Variants in HTN3 observed in about 807,000 individuals in gnomAD.
HTN3 encodes histatin-3.
HTN3 carries 15 observed loss-of-function variants against 10.6 expected under a neutral mutation model. The ratio of observed to expected loss-of-function variants is 1.42; its 90% CI spans 0.95 to 2.18. HTN3 has a LOEUF of 2.18. HTN3 is among the 30% of genes most tolerant of loss of function. HTN3 has a pLI of 0.00. For missense variants in HTN3, 68 were observed against 58.0 expected (o/e 1.17, Z -0.56); for synonymous variants, 15 against 16.9 (o/e 0.89, Z 0.27).
At chr4:70,030,901 A>G in intron 2 of HTN3, 110 bp downstream of exon 2, 1 of 820,096 alleles carries the variant, frequency 1.2e-6, no homozygotes, top group Non-Finnish European at 2.0e-6. Flanking sequence ...TACAGCTTTA[A>G]TATTTCTATG....
At chr4:70,030,593 C>A in intron 1 of HTN3, 135 bp from the exon 2 acceptor site, 1 of 659,960 alleles carries the variant, frequency 1.5e-6, no homozygotes, top group Non-Finnish European at 2.7e-6. Context: ...GTGATCTGTG[C>A]TCATGCCCCT....
At chr4:70,035,347 A>T (rs1474725388) in intron 5 of HTN3, among the ~76,000 whole-genome samples, 2 of 152,184 alleles carry the variant, frequency 1.3e-5, no homozygotes, top group Admixed American at 6.5e-5. Context: ...AATACATGTT[A>T]TAATAATACT....
intron 2 of HTN3, among the ~76,000 whole-genome samples, chr4:70,031,612 AT>A (rs907397008): frequency 1.3e-5 from 2 of 152,158 alleles, no homozygotes; most frequent in Admixed American, 1.3e-4. Flanking sequence ...CTATCAGCAA[AT>A]AAAATATTTG....
intron 5 of HTN3, 114 bp downstream of exon 5, chr4:70,033,367 G>A (rs1725434776): frequency 1.7e-6 from 1 of 579,218 alleles, no homozygotes; most frequent in East Asian, 3.0e-5. Context: ...AAGAAATGTA[G>A]CGTGGGTTAG....
intron 1 of HTN3, among the ~76,000 whole-genome samples, chr4:70,029,865 C>A (rs944295851): frequency 1.3e-5 from 2 of 152,106 alleles, no homozygotes; most frequent in African/African-American, 4.8e-5. Context: ...GACTTCTCTT[C>A]ATTTTATTTT....
intron 1 of HTN3, among the ~76,000 whole-genome samples, chr4:70,030,119 A>G (rs1048051143): frequency 6.6e-6 from 1 of 150,788 alleles, no homozygotes. Flanking sequence ...TCCTCCCTAC[A>G]TGCTAAACTG....
At chr4:70,030,698 A>G (rs749629260) in intron 1 of HTN3, 30 bp from the exon 2 acceptor site, 158 of 1,404,392 alleles carry the variant, frequency 1.1e-4, no homozygotes, top group Non-Finnish European at 1.5e-4. Context: ...AAAGAATGTG[A>G]TTACTGATTT....
intron 4 of HTN3, 132 bp downstream of exon 4, chr4:70,032,239 T>G: frequency 1.4e-6 from 1 of 702,556 alleles, no homozygotes; most frequent in East Asian, 3.0e-5. Context: ...TTGATTTCAT[T>G]TATTCTTGTT....
intron 4 of HTN3, 128 bp from the exon 5 acceptor site, chr4:70,033,039 A>T: frequency 1.5e-6 from 1 of 646,956 alleles, no homozygotes. Flanking sequence ...GAAAACATTT[A>T]TGTAGATAAC....
At chr4:70,029,815 C>T (rs1725335190) in intron 1 of HTN3, among the ~76,000 whole-genome samples, 1 of 152,078 alleles carries the variant, frequency 6.6e-6, no homozygotes, top group Non-Finnish European at 1.5e-5. Context: ...TAATCTTCAC[C>T]AGTTCAACTT....
chr4:70,035,371 G>A (rs7692716), intron 5 of HTN3, among the ~76,000 whole-genome samples: 5,138 of 152,152 alleles, frequency 0.034, 272 homozygotes, highest in African/African-American at 0.11. Context: ...GCTCTTTATA[G>A]AATTTGTAGG....
chr4:70,030,709 T>C lies in HTN3; in HGVS notation c.-13-19T>C. ...CATGAAAGAATGTGATTACTGATTT[T>C]TCATGTTTGATTTTATAGGACTCAG... On this transcript the variant is annotated intron_variant, in intron 1 of 5. Coordinates refer to ENST00000673563, the MANE Select transcript of HTN3 (RefSeq NM_000200.3). 6.5e-7 allele frequency: 1 copy of C among 1,531,800 alleles called. No homozygotes were observed. The highest frequency in any genetic ancestry group is 1.1e-5 in the South Asian group (1 of 89,376). The allele number at this position is 1,531,800 out of a possible 1,614,324, so 94.9% of individuals were successfully genotyped here. A position where few individuals can be genotyped will look rare whatever the true frequency, so the allele number is the denominator to read the frequency against.
At chr4:70,029,892 T>C (rs1386715693) in intron 1 of HTN3, among the ~76,000 whole-genome samples, 2 of 152,194 alleles carry the variant, frequency 1.3e-5, no homozygotes, top group African/African-American at 4.8e-5. Flanking sequence ...ACCAATACCA[T>C]TAATGTTCTA....
intron 2 of HTN3, chr4:70,031,240 A>AAT (rs1725375952): frequency 6.3e-6 from 1 of 157,882 alleles, no homozygotes; most frequent in African/African-American, 2.4e-5. Flanking sequence ...TACTCTTTCT[A>AAT]AAATAAAGCT....
intron 5 of HTN3, chr4:70,033,915 A>C (rs967836976): frequency 2.6e-5 from 4 of 151,940 alleles, no homozygotes; most frequent in African/African-American, 9.7e-5. Flanking sequence ...TCTGCTTGCT[A>C]TCTGATCTAC....
intron 2 of HTN3, chr4:70,031,345 C>A (rs901770582): frequency 6.5e-6 from 1 of 153,480 alleles, no homozygotes; most frequent in Non-Finnish European, 1.4e-5. Context: ...GTAGAAAAGG[C>A]ACTTGACCTC....
chr4:70,033,330 C>T, intron 5 of HTN3, 77 bp downstream of exon 5: 1 of 683,554 alleles, frequency 1.5e-6, no homozygotes, highest in East Asian at 2.8e-5. Flanking sequence ...TAAAAAAAAG[C>T]CATTAAGCCA....
chr4:70,030,246 T>G (rs1460210272), intron 1 of HTN3, among the ~76,000 whole-genome samples: 1 of 152,288 alleles, frequency 6.6e-6, no homozygotes, highest in Non-Finnish European at 1.5e-5. Flanking sequence ...ATCTTCTTAC[T>G]CCCATTATCT....
chr4:70,031,889 A>G, intron 2 of HTN3, 90 bp from the exon 3 acceptor site: 1 of 897,832 alleles, frequency 1.1e-6, no homozygotes, highest in Admixed American at 2.1e-5. Flanking sequence ...ATTCTATTTA[A>G]TCATAAATGT....
Sources: gnomAD v4.1 joint callset for allele counts (sites outside exome capture counted in the v4.1 genomes callset) on GRCh38, gnomAD v4.1.1 for gene constraint, MANE v1.5 for transcripts, NCBI Gene and HGNC (gene_info 2026-07-23, HGNC 2026-07-21) for gene names.